Variants in PUS3 observed in about 807,000 individuals in gnomAD.
The protein encoded by PUS3 is tRNA pseudouridine(38/39) synthase.
Under a neutral mutation model 43.3 loss-of-function variants are expected in PUS3, and 36 were observed. The observed-to-expected ratio is 0.83, with a 90% CI of 0.64 to 1.10. The LOEUF (loss-of-function observed/expected upper bound fraction) is 1.10, where lower values mean the gene tolerates loss of function less well. Ranked by LOEUF, PUS3 falls within the 50% of genes least tolerant of loss-of-function variation. The pLI is 0.00. For missense variants in PUS3, 544 were observed against 589.9 expected (o/e 0.92, Z 0.81); for synonymous variants, 183 against 199.2 (o/e 0.92, Z 0.69).
intron 1 of PUS3, among the ~76,000 whole-genome samples, chr11:125,902,599 T>TAA (rs55792535): frequency 0.21 from 24,264 of 117,082 alleles, 2,977 homozygotes; most frequent in Non-Finnish European, 0.25. Flanking sequence ...GCGACAGTCT[T>TAA]AAAAAAAAAA....
chr11:125,899,252 C>T (rs958550832), intron 1 of PUS3: 15 of 857,466 alleles, frequency 1.7e-5, no homozygotes, highest in Non-Finnish European at 2.2e-5. Context: ...ATTCTTTCTC[C>T]ATTTGACTGC....
At chr11:125,902,519 G>A (rs1177228281) in intron 1 of PUS3, among the ~76,000 whole-genome samples, 1 of 151,232 alleles carries the variant, frequency 6.6e-6, no homozygotes, top group African/African-American at 2.4e-5. Flanking sequence ...AGGCTGAGGT[G>A]GAAGGATCGC....
At chr11:125,897,298 A>G (rs1479193753) in intron 1 of PUS3, among the ~76,000 whole-genome samples, 1 of 152,178 alleles carries the variant, frequency 6.6e-6, no homozygotes, top group East Asian at 1.9e-4. Context: ...AGAAGAAAAC[A>G]TGGAATGACT....
chr11:125,894,256 A>G lies in PUS3; in HGVS notation c.975T>C (p.Tyr325=), dbSNP rs201732852. The G allele has an allele frequency of 2.5e-6, 4 of 1,611,706 alleles. No individual in the cohort carries two copies. Among genetic ancestry groups the G allele is most frequent in the Non-Finnish European group, 3.4e-6 (4 of 1,178,056 alleles). ...ACTTGACATTTTCAAACTTACAGTC[A>G]TATAAGACTAGAGGAAATTCTACAG... ...SMAVEFPLVL[Y]DCKFENVKWI... Residue 325 remains tyrosine (Y), a synonymous_variant, in exon 4 of 4, where the codon TAT becomes TAC. Coordinates refer to ENST00000227474, the MANE Select transcript of PUS3 (RefSeq NM_031307.4).
At chr11:125,900,429 AGAT>A (rs1437087121) in intron 1 of PUS3, 4 of 660,204 alleles carry the variant, frequency 6.1e-6, no homozygotes, top group African/African-American at 1.8e-5. Flanking sequence ...CATTGGTATC[AGAT>A]GATACTTCCA....
Position 125,894,093 on chromosome 11 carries a change from G to A in PUS3, c.1138C>T (p.Pro380Ser), listed in dbSNP as rs1318939563. 1.2e-6 allele frequency: 2 copies of A among 1,614,060 alleles called. No homozygotes were observed. The highest frequency in any genetic ancestry group is 2.2e-5 in the East Asian group (1 of 44,878). ...CATTCTGTCATTCCATCCATCTTTG[G>A]TCCTATTCCACAGGGTACTGGAACA... is the stretch of plus-strand genomic sequence containing the variant. ...DTVPVPCGIG[P>S]KMDGMTEWGN... Residue 380 changes from proline to serine, a missense_variant, in exon 4 of 4, where the codon CCA becomes TCA. Physicochemically the swap from Pro to Ser is moderately conservative, Grantham distance 74 (BLOSUM62 -1). Transcript: ENST00000227474.
chr11:125,902,152 A>G (rs1944790089), intron 1 of PUS3, among the ~76,000 whole-genome samples: 1 of 152,138 alleles, frequency 6.6e-6, no homozygotes. Flanking sequence ...TTTTTCCAGC[A>G]CACCTTACCC....
intron 2 of PUS3, 50 bp from the exon 3 acceptor site, chr11:125,895,839 G>C: frequency 6.3e-7 from 1 of 1,581,750 alleles, no homozygotes; most frequent in Non-Finnish European, 8.6e-7. Context: ...AATAATCTCA[G>C]TACTCAGTGT....
In PUS3 at chr11:125,893,759, C is replaced by G; in HGVS notation, c.*26G>C. ...TCTGTCCACCTACCATTAGGTGGTT[C>G]CTAGATCCTGGCAAATTGTCTATGG... On this transcript the variant is annotated 3_prime_UTR_variant, in exon 4 of 4. Coordinates refer to ENST00000227474, the MANE Select transcript of PUS3 (RefSeq NM_031307.4). 6.5e-7 allele frequency: 1 copy of G among 1,546,888 alleles called. No homozygotes were observed. The highest frequency in any genetic ancestry group is 8.7e-7 in the Non-Finnish European group (1 of 1,146,592).
intron 1 of PUS3, among the ~76,000 whole-genome samples, chr11:125,902,254 G>T (rs1944794478): frequency 6.6e-6 from 1 of 151,948 alleles, no homozygotes; most frequent in Non-Finnish European, 1.5e-5. Flanking sequence ...GGGAATTCGT[G>T]TGTCCCCTAA....
chr11:125,901,257 T>A (rs943605861), intron 1 of PUS3, among the ~76,000 whole-genome samples: 59 of 152,254 alleles, frequency 3.9e-4, no homozygotes, highest in Admixed American at 2.7e-3. Flanking sequence ...ACCATTCTTT[T>A]TATAATTTGC....
chr11:125,894,350 C>A, intron 3 of PUS3, 64 bp from the exon 4 acceptor site: 2 of 1,405,674 alleles, frequency 1.4e-6, no homozygotes, highest in Non-Finnish European at 1.9e-6. Context: ...TCTTTAAAAA[C>A]TAAGGGTTAG....
chr11:125,896,332 T>G lies in PUS3; in HGVS notation c.-46-2A>C. ...ACGAACCATACAGGTCTGCCCTGTCTGAAAAGAGAGCAAAGGGATACAACA... is the reference window on the plus strand; with the variant it reads ...ACGAACCATACAGGTCTGCCCTGTCGGAAAAGAGAGCAAAGGGATACAACA... On this transcript the variant is annotated splice_acceptor_variant, in intron 1 of 3. Coordinates refer to ENST00000227474, the MANE Select transcript of PUS3 (RefSeq NM_031307.4). LOFTEE classifies it low-confidence loss of function (5UTR_SPLICE). 1 of 1,518,570 alleles carries G rather than the reference T, an allele frequency of 6.6e-7. No individual in the cohort carries two copies. The highest frequency in any genetic ancestry group is 1.2e-5 in the South Asian group (1 of 81,330). The allele number at this position is 1,518,570 out of a possible 1,614,324, so 94.1% of individuals were successfully genotyped here. A position where few individuals can be genotyped will look rare whatever the true frequency, so the allele number is the denominator to read the frequency against.
intron 1 of PUS3, among the ~76,000 whole-genome samples, chr11:125,897,374 GA>G (rs1401074158): frequency 6.6e-6 from 1 of 151,762 alleles, no homozygotes; most frequent in East Asian, 1.9e-4. Context: ...CCAGACACTA[GA>G]AAAAGATGTG....
chr11:125,899,475 AAGG>A, intron 1 of PUS3: 1 of 1,614,182 alleles, frequency 6.2e-7, no homozygotes, highest in Non-Finnish European at 8.5e-7. Context: ...GGGCAGGGTG[AAGG>A]AGATGTCAGG....
At chr11:125,897,515 G>T (rs1196257774) in intron 1 of PUS3, among the ~76,000 whole-genome samples, 1 of 50,634 alleles carries the variant, frequency 2.0e-5, no homozygotes, top group Non-Finnish European at 4.6e-5. Context: ...CAGTTTTAAT[G>T]AAAAAGTAAA....
Position 125,894,301 on chromosome 11 carries a change from A to G in PUS3, c.945-15T>C. 6.3e-7 allele frequency: 1 copy of G among 1,576,318 alleles called. No homozygotes were observed. The highest frequency in any genetic ancestry group is 8.6e-7 in the Non-Finnish European group (1 of 1,158,696). Reference sequence around the variant, plus strand: ...CTACAGCCATACTAGAGAAAAAGAGAAAAGAAAGTTTGAGAATACATAACA... The same window carrying G: ...CTACAGCCATACTAGAGAAAAAGAGGAAAGAAAGTTTGAGAATACATAACA... On this transcript the variant is annotated splice_polypyrimidine_tract_variant and intron_variant, in intron 3 of 3. Transcript: ENST00000227474.
chr11:125,899,704 G>A lies in PUS3; in HGVS notation c.-46-3374C>T, dbSNP rs1287874548. 3.1e-6 allele frequency: 5 copies of A among 1,614,072 alleles called. No individual in the cohort carries two copies. Among genetic ancestry groups the A allele is most frequent in the Non-Finnish European group, 3.4e-6 (4 of 1,180,008 alleles). On this transcript the variant is annotated intron_variant, in intron 1 of 3. Coordinates refer to ENST00000227474, the MANE Select transcript of PUS3 (RefSeq NM_031307.4). The stretch of plus-strand genomic sequence containing the variant: ...ATGGGGAAGTATTAGTAACAGATGA[G>A]TCGATTATCAGTGAATCAGAATCTG...
intron 1 of PUS3, among the ~76,000 whole-genome samples, chr11:125,898,193 C>T (rs934901503): frequency 5.3e-5 from 8 of 152,074 alleles, no homozygotes; most frequent in African/African-American, 1.9e-4. Flanking sequence ...AAAATCCTTG[C>T]TTAAAATTAT....
Sources: allele counts gnomAD v4.1 joint callset (sites outside exome capture counted in the v4.1 genomes callset), GRCh38; gene constraint gnomAD v4.1.1; transcripts MANE v1.5; gene names NCBI Gene and HGNC (gene_info 2026-07-23, HGNC 2026-07-21).